Variants in MLIP observed in about 807,000 individuals in gnomAD.
The protein encoded by MLIP is muscular LMNA-interacting protein.
In MLIP, 79 loss-of-function variants were observed where a neutral mutation model predicts 84.8. The ratio of observed to expected loss-of-function variants is 0.93; its 90% CI spans 0.78 to 1.12. The LOEUF is 1.12. Ranked by LOEUF, MLIP falls within the 50% of genes most tolerant of loss-of-function variation. The pLI, the probability that MLIP is intolerant of heterozygous loss-of-function variation, is 0.00. For synonymous variants in MLIP, 504 were observed against 463.0 expected (o/e 1.09, Z -1.14); for missense variants, 1,257 against 1,160.6 (o/e 1.08, Z -1.21).
intron 13 of MLIP, among the ~76,000 whole-genome samples, chr6:54,265,022 C>A (rs1167191568): frequency 6.6e-6 from 1 of 152,108 alleles, no homozygotes; most frequent in Non-Finnish European, 1.5e-5. Context: ...ACTGCTTCTT[C>A]ACCTCATGAT....
intron 1 of MLIP, among the ~76,000 whole-genome samples, chr6:54,044,720 C>G (rs920639175): frequency 6.6e-6 from 1 of 151,536 alleles, no homozygotes; most frequent in African/African-American, 2.4e-5. Context: ...TTTACTTCCA[C>G]TATGAAGACT....
At position 54,124,590 on chromosome 6, in the gene MLIP, G is replaced by A. The variant is rs1002665570; in HGVS notation, c.370G>A (p.Ala124Thr). The A allele has an allele frequency of 2.5e-6, 4 of 1,614,066 alleles. No homozygotes were observed. The highest frequency in any genetic ancestry group is 1.7e-5 in the Admixed American group (1 of 60,004). ...GATTTTACAAGAAAGGGAATTCGAA[G>A]CAAACAAACTTCAAGGGATGCAGCA... is the stretch of plus-strand genomic sequence containing the variant. ...GTILQEREFEANKLQGMQQSD... is the reference protein window; with the variant it reads ...GTILQEREFETNKLQGMQQSD... Residue 124 changes from alanine (A) to threonine (T), a missense_variant, in exon 3 of 14, where the codon GCA (alanine) becomes ACA (threonine). Physicochemically the swap from Ala to Thr is moderately conservative, Grantham distance 58 (BLOSUM62 0). Coordinates refer to ENST00000502396, the MANE Select transcript of MLIP (RefSeq NM_001281747.2).
chr6:54,137,363 T>C lies in MLIP; in HGVS notation c.1294T>C (p.Ser432Pro), dbSNP rs935956348. 1.0e-5 allele frequency: 16 copies of C among 1,535,880 alleles called. No individual in the cohort carries two copies. Among genetic ancestry groups the C allele is most frequent in the Non-Finnish European group, 1.3e-5 (15 of 1,146,896 alleles). Residue 432 changes from serine to proline, a missense_variant, in exon 4 of 14, where the codon TCC becomes CCC. Ser to Pro is a moderately conservative substitution (Grantham distance 74). Coordinates refer to ENST00000502396, the MANE Select transcript of MLIP (RefSeq NM_001281747.2). ...AAACCCTTCCCACCAAAGACCCTTT[T>C]CCCCTGCATCCTGTCCCACCTTCTC... ...KSNPSHQRPFSPASCPTFSLN... is the reference protein window; with the variant it reads ...KSNPSHQRPFPPASCPTFSLN...
chr6:54,114,514 T>A (rs2150413750), intron 1 of MLIP, among the ~76,000 whole-genome samples: 1 of 152,350 alleles, frequency 6.6e-6, no homozygotes, highest in Admixed American at 6.5e-5. Flanking sequence ...CAACAAATTT[T>A]AAGTTTTGTC....
At chr6:54,175,053 ACTGTAAGTGAG>A in intron 9 of MLIP, among the ~76,000 whole-genome samples, 1 of 151,930 alleles carries the variant, frequency 6.6e-6, no homozygotes, top group Middle Eastern at 3.4e-3. Flanking sequence ...AAATGAGTTC[ACTGTAAGTGAG>A]CAAATTTGTT....
intron 1 of MLIP, among the ~76,000 whole-genome samples, chr6:54,121,014 T>C (rs558981819): frequency 1.6e-4 from 24 of 152,352 alleles, no homozygotes; most frequent in African/African-American, 5.5e-4. Flanking sequence ...GCATTCTTGC[T>C]AACGATAAAT....
chr6:54,134,734 G>A (rs911044264), intron 3 of MLIP, among the ~76,000 whole-genome samples: 4 of 151,962 alleles, frequency 2.6e-5, no homozygotes, highest in African/African-American at 4.8e-5. Context: ...TGATAATTTG[G>A]TGAATAATCA....
intron 12 of MLIP, among the ~76,000 whole-genome samples, chr6:54,249,141 G>A (rs1782283478): frequency 6.6e-6 from 1 of 151,992 alleles, no homozygotes; most frequent in Non-Finnish European, 1.5e-5. Flanking sequence ...GGTAGCATCA[G>A]TTATCAATCA....
chr6:54,090,354 T>TA (rs137916476), intron 1 of MLIP, among the ~76,000 whole-genome samples: 2,042 of 152,272 alleles, frequency 0.013, 27 homozygotes, highest in African/African-American at 0.03. Flanking sequence ...GGAAGATACT[T>TA]ACTTTGTTAG....
At chr6:54,088,811 C>T (rs551013799) in intron 1 of MLIP, among the ~76,000 whole-genome samples, 1 of 152,230 alleles carries the variant, frequency 6.6e-6, no homozygotes, top group South Asian at 2.1e-4. Context: ...TCACATTATA[C>T]ATTTGTCCAC....
At chr6:54,182,566 A>G (rs963868800) in intron 9 of MLIP, among the ~76,000 whole-genome samples, 1 of 152,194 alleles carries the variant, frequency 6.6e-6, no homozygotes, top group African/African-American at 2.4e-5. Flanking sequence ...GGAGGTACGA[A>G]CACTGTAAGT....
At chr6:54,165,473 C>T (rs1775081561) in intron 8 of MLIP, among the ~76,000 whole-genome samples, 2 of 151,920 alleles carry the variant, frequency 1.3e-5, no homozygotes, top group Non-Finnish European at 2.9e-5. Flanking sequence ...CTTTACAACC[C>T]TCAGATTTTA....
intron 1 of MLIP, among the ~76,000 whole-genome samples, chr6:54,105,576 T>C (rs1768950300): frequency 6.6e-6 from 1 of 152,064 alleles, no homozygotes; most frequent in African/African-American, 2.4e-5. Flanking sequence ...GTGATTAAAA[T>C]CCAATGAAGG....
intron 1 of MLIP, among the ~76,000 whole-genome samples, chr6:54,042,078 C>G (rs910543517): frequency 2.0e-5 from 3 of 152,062 alleles, no homozygotes; most frequent in Admixed American, 6.6e-5. Flanking sequence ...TTAACAATAT[C>G]AGGTTCTTCT....
intron 3 of MLIP, among the ~76,000 whole-genome samples, chr6:54,125,288 C>G (rs902595827): frequency 4.6e-5 from 7 of 151,962 alleles, no homozygotes; most frequent in African/African-American, 1.7e-4. Context: ...TAGAGGTAGA[C>G]CCATTGATTT....
chr6:54,103,990 A>C (rs546201766), intron 1 of MLIP, among the ~76,000 whole-genome samples: 2 of 152,228 alleles, frequency 1.3e-5, no homozygotes, highest in South Asian at 4.2e-4. Flanking sequence ...GAGTGTAAGA[A>C]GTTTAGCACT....
chr6:54,098,708 A>C (rs1473758067), intron 1 of MLIP, among the ~76,000 whole-genome samples: 5 of 152,140 alleles, frequency 3.3e-5, no homozygotes. Context: ...ATAGTGAACG[A>C]GCTGTTTAAA....
At chr6:54,250,005 T>C (rs1782358345) in intron 12 of MLIP, among the ~76,000 whole-genome samples, 1 of 151,980 alleles carries the variant, frequency 6.6e-6, no homozygotes, top group Admixed American at 6.6e-5. Flanking sequence ...GTCCATGTGC[T>C]CTCATCATTT....
At chr6:54,060,566 C>A (rs1206016282) in intron 1 of MLIP, among the ~76,000 whole-genome samples, 1 of 152,160 alleles carries the variant, frequency 6.6e-6, no homozygotes, top group African/African-American at 2.4e-5. Flanking sequence ...CTGACGTGAA[C>A]CACACTATCT....
Sources: allele counts gnomAD v4.1 joint callset (sites outside exome capture counted in the v4.1 genomes callset), GRCh38; gene constraint gnomAD v4.1.1; transcripts MANE v1.5; gene names NCBI Gene and HGNC (gene_info 2026-07-23, HGNC 2026-07-21).